VPS33B: variants seen among roughly 807,000 people sequenced by gnomAD.
The protein encoded by VPS33B is vacuolar protein sorting-associated protein 33B.
In VPS33B, 80 loss-of-function variants were observed where a neutral mutation model predicts 95.3. The observed-to-expected ratio is 0.84, with a 90% CI of 0.70 to 1.01. The LOEUF is 1.01. VPS33B is among the 50% of genes least tolerant of loss of function. The pLI, the probability that VPS33B is intolerant of heterozygous loss-of-function variation, is 0.00. For synonymous variants in VPS33B, 280 were observed against 280.4 expected (o/e 1.00, Z 0.01); for missense variants, 715 against 773.4 (o/e 0.92, Z 0.90).
At chr15:91,003,222 T>C (rs2040495091) in intron 16 of VPS33B, 91 bp from the exon 17 acceptor site, 2 of 1,235,584 alleles carry the variant, frequency 1.6e-6, no homozygotes, top group Admixed American at 3.4e-5. Flanking sequence ...GAACGCCTTC[T>C]TCAGGAGGAA....
chr15:91,006,496 A>G lies in VPS33B; in HGVS notation c.779-51T>C, dbSNP rs2040608763. On this transcript the variant is annotated intron_variant, in intron 10 of 22. Transcript: ENST00000333371. This position sits in a 1 kb window ranked among gnomAD's most constrained non-coding sequence, Gnocchi z 5.4. Reference sequence around the variant, plus strand: ...AGGATCTCCAATGAGGACTTCTCCTACCATTCCCTGAACTGCCATAAAGGT... The same window carrying G: ...AGGATCTCCAATGAGGACTTCTCCTGCCATTCCCTGAACTGCCATAAAGGT... 3.1e-6 allele frequency: 5 copies of G among 1,613,032 alleles called. No homozygotes were observed. Among genetic ancestry groups the G allele is most frequent in the Non-Finnish European group, 4.2e-6 (5 of 1,179,036 alleles).
Position 91,006,996 on chromosome 15 carries a change from G to A in VPS33B, c.654C>T (p.Thr218=). ...RNLEEEEDGE[T]KGRRPEIGHI... is the part of the protein sequence containing the mutation. ...GTCCAATCTCTGGCCTTCGGCCCTT[G>A]GTTTCGCCATCCTCCTCCTCCTCCA... The change falls in exon 9 of 23, where the codon ACC becomes ACT. Residue 218 remains threonine, a synonymous_variant. Coordinates refer to ENST00000333371, the MANE Select transcript of VPS33B (RefSeq NM_018668.5). The surrounding 1 kb of genome is among the most constrained non-coding windows in gnomAD (Gnocchi z 5.4). 1 of 1,613,986 alleles carries A rather than the reference G, an allele frequency of 6.2e-7. No homozygotes were observed.
Position 91,007,476 on chromosome 15 carries a change from C to A in VPS33B, c.596G>T (p.Cys199Phe), listed in dbSNP as rs1370151830. The A allele has an allele frequency of 1.2e-6, 2 of 1,614,186 alleles. No individual in the cohort carries two copies. Among genetic ancestry groups the A allele is most frequent in the South Asian group, 2.2e-5 (2 of 91,076 alleles). ...PFPNCYGIGR[C>F]AKMAYELWRN... ...TACTGCTAGTGCTCTTACCTTGGCGCACCTGCCAATTCCATAGCAGTTTGG... is the reference window on the plus strand; with the variant it reads ...TACTGCTAGTGCTCTTACCTTGGCGAACCTGCCAATTCCATAGCAGTTTGG... The change falls in exon 8 of 23, where the codon TGC (cysteine) becomes TTC (phenylalanine). Residue 199 changes from cysteine (C) to phenylalanine (F), a missense_variant. Coordinates refer to ENST00000333371, the MANE Select transcript of VPS33B (RefSeq NM_018668.5). This position sits in a 1 kb window ranked among gnomAD's most constrained non-coding sequence, Gnocchi z 5.3.
At position 90,999,964 on chromosome 15, in the gene VPS33B, C is replaced by A. The variant is rs755192361; in HGVS notation, c.1593G>T (p.Arg531=). 1 of 1,614,238 alleles carries A rather than the reference C, an allele frequency of 6.2e-7. No individual in the cohort carries two copies. Among genetic ancestry groups the A allele is most frequent in the South Asian group, 1.1e-5 (1 of 91,082 alleles). Residue 531 remains arginine, a synonymous_variant, in exon 21 of 23, where the codon CGG becomes CGT. Coordinates refer to ENST00000333371, the MANE Select transcript of VPS33B (RefSeq NM_018668.5). This position sits in a 1 kb window ranked among gnomAD's most constrained non-coding sequence, Gnocchi z 5.1. ...CCTCATCAAGGCCCTGCCAGCTTCGCCGCTCTAGCACCTGGGAAGGTGTAA... is the reference window on the plus strand; with the variant it reads ...CCTCATCAAGGCCCTGCCAGCTTCGACGCTCTAGCACCTGGGAAGGTGTAA... ...SCRIIEQVLE[R]RSWQGLDEVV...
Position 91,022,245 on chromosome 15 carries a change from G to A in VPS33B, c.5C>T (p.Ala2Val), listed in dbSNP as rs1029244647. Residue 2 changes from alanine to valine, a missense_variant, in exon 1 of 23, where the codon GCT becomes GTT. Physicochemically the swap from Ala to Val is moderately conservative, Grantham distance 64. Transcript: ENST00000333371. ...AGGGGCGTCCGGCCGATGGGGAAAAGCCATGGCAGCGGTCACCTGCGCCGC... is the reference window on the plus strand; with the variant it reads ...AGGGGCGTCCGGCCGATGGGGAAAAACCATGGCAGCGGTCACCTGCGCCGC... MAFPHRPDAPEL... is the reference protein window; with the variant it reads MVFPHRPDAPEL... The A allele has an allele frequency of 2.6e-6, 4 of 1,568,018 alleles. No homozygotes were observed. The highest frequency in any genetic ancestry group is 3.5e-6 in the Non-Finnish European group (4 of 1,151,584).
In VPS33B at chr15:91,022,486, T is replaced by G; in HGVS notation, c.-237A>C. The G allele has an allele frequency of 2.3e-6, 1 of 439,090 alleles. No individual in the cohort carries two copies. The highest frequency in any genetic ancestry group is 4.1e-6 in the Non-Finnish European group (1 of 242,764). The allele number at this position is 439,090 out of a possible 1,614,324, so 27.2% of individuals were successfully genotyped here. On this transcript the variant is annotated 5_prime_UTR_variant, in exon 1 of 23. Coordinates refer to ENST00000333371, the MANE Select transcript of VPS33B (RefSeq NM_018668.5). The stretch of plus-strand genomic sequence containing the variant: ...ACCTGCAGCCACCGTGTCTCGACCC[T>G]CCCTCCCTGATCCACTCTGCCCGTC...
In VPS33B at chr15:90,999,499, C is replaced by T. The variant is rs187403779; in HGVS notation, c.1774+178G>A. Reference sequence around the variant, plus strand: ...ATGCCTGGCTAATTTTTGTATTTTTCGTAGAGATGGGGTTTCACCATGTTG... The same window carrying T: ...ATGCCTGGCTAATTTTTGTATTTTTTGTAGAGATGGGGTTTCACCATGTTG... On this transcript the variant is annotated intron_variant, in intron 22 of 22. Coordinates refer to ENST00000333371, the MANE Select transcript of VPS33B (RefSeq NM_018668.5). This position sits in a 1 kb window ranked among gnomAD's most constrained non-coding sequence, Gnocchi z 5.1. 1,369 of 715,972 alleles carry T rather than the reference C, an allele frequency of 1.9e-3. 19 individuals carry two copies. In the African/African-American group the frequency reaches 0.022, roughly 11 times the overall value. 44.4% of individuals were successfully genotyped at this position (715,972 alleles called of 1,614,324 possible).
In VPS33B at chr15:91,002,759, G is replaced by A. The variant is rs1189573207; in HGVS notation, c.1272+326C>T. On this transcript the variant is annotated intron_variant, in intron 17 of 22. Coordinates refer to ENST00000333371, the MANE Select transcript of VPS33B (RefSeq NM_018668.5). This position sits in a 1 kb window ranked among gnomAD's most constrained non-coding sequence, Gnocchi z 4.7. ...TCCTGGATGAAGTAAGACTTGAGAA[G>A]TACCAGGAAGGAAAGCTGAATCAAT... 6.6e-6 allele frequency among the ~76,000 whole-genome samples: 1 copy of A among 152,126 alleles called. No homozygotes were observed. Among genetic ancestry groups the A allele is most frequent in the African/African-American group, 2.4e-5 (1 of 41,410 alleles).
intron 6 of VPS33B, 137 bp from the exon 7 acceptor site, chr15:91,008,101 T>C: frequency 6.3e-6 from 5 of 788,716 alleles, no homozygotes; most frequent in Non-Finnish European, 1.1e-5. Flanking sequence ...CATTAAGCAA[T>C]GGAGGCTCAA....
At chr15:91,017,400 A>ATATATATATATATC (rs2040970371) in intron 2 of VPS33B, among the ~76,000 whole-genome samples, 4 of 98,550 alleles carry the variant, frequency 4.1e-5, no homozygotes, top group Non-Finnish European at 4.2e-5. Context: ...ATATATATAT[A>ATATATATATATATC]TATATATATA....
chr15:91,016,375 C>CTTCTTT (rs1184199295), intron 3 of VPS33B, among the ~76,000 whole-genome samples: 3 of 96,018 alleles, frequency 3.1e-5, no homozygotes, highest in African/African-American at 4.2e-5. Flanking sequence ...GCAGATTCTT[C>CTTCTTT]TTTTTTTTTT....
Position 91,019,803 on chromosome 15 carries a change from A to C in VPS33B, c.97-1918T>G, listed in dbSNP as rs532846927. ...AGATTAAGAGATACATGGAATGTGTAATATAATTTTTTTTTTTTTGAGATG... is the reference window on the plus strand; with the variant it reads ...AGATTAAGAGATACATGGAATGTGTCATATAATTTTTTTTTTTTTGAGATG... On this transcript the variant is annotated intron_variant, in intron 1 of 22. Transcript: ENST00000333371. Among the ~76,000 whole-genome samples the C allele has an allele frequency of 3.8e-5, 5 of 131,614 alleles. No homozygotes were observed. In the South Asian group the frequency reaches 1.4e-3, roughly 36 times the overall value. The allele number at this position is 131,614 out of a possible 152,430, so 86.3% of individuals were successfully genotyped here.
chr15:91,006,624 C>T lies in VPS33B; in HGVS notation c.778+28G>A. On this transcript the variant is annotated intron_variant, in intron 10 of 22. Coordinates refer to ENST00000333371, the MANE Select transcript of VPS33B (RefSeq NM_018668.5). The surrounding 1 kb of genome is among the most constrained non-coding windows in gnomAD (Gnocchi z 5.4). ...CAAGGCTGATGACCCGTCCATCTTG[C>T]CAAGATGCAGAGGACCATAGCACTT... The T allele has an allele frequency of 1.2e-6, 2 of 1,614,080 alleles. No individual in the cohort carries two copies. The highest frequency in any genetic ancestry group is 1.7e-6 in the Non-Finnish European group (2 of 1,179,910).
chr15:91,001,496 G>T, intron 18 of VPS33B, 34 bp from the exon 19 acceptor site: 1 of 1,577,064 alleles, frequency 6.3e-7, no homozygotes, highest in Non-Finnish European at 8.7e-7. Context: ...TTTCACCTAA[G>T]GTCTATGGAT....
At position 91,016,976 on chromosome 15, in the gene VPS33B, T is replaced by A; in HGVS notation, c.226A>T (p.Ser76Cys). 1 of 1,614,056 alleles carries A rather than the reference T, an allele frequency of 6.2e-7. No homozygotes were observed. The highest frequency in any genetic ancestry group is 8.5e-7 in the Non-Finnish European group (1 of 1,179,980). Residue 76 changes from serine (S) to cysteine (C), a missense_variant, in exon 3 of 23, where the codon AGC (serine) becomes TGC (cysteine). By Grantham distance (112) the Ser-to-Cys change is moderately radical. Transcript: ENST00000333371. Reference sequence around the variant, plus strand: ...CCAGACACTCACTGTTCATTGGAGCTGAGGGCTGGCTTGTTCTCCACCTTG... The same window carrying A: ...CCAGACACTCACTGTTCATTGGAGCAGAGGGCTGGCTTGTTCTCCACCTTG... ...LYKVENKPALSSNEQLCFLVR... is the reference protein window; with the variant it reads ...LYKVENKPALCSNEQLCFLVR...
At chr15:91,020,862 C>T (rs1049297026) in intron 1 of VPS33B, among the ~76,000 whole-genome samples, 4 of 152,190 alleles carry the variant, frequency 2.6e-5, no homozygotes, top group East Asian at 3.9e-4. Flanking sequence ...GCCTGGGCAA[C>T]GGAGTGAGAC....
chr15:91,006,536 G>A lies in VPS33B; in HGVS notation c.779-91C>T. On this transcript the variant is annotated intron_variant, in intron 10 of 22. Coordinates refer to ENST00000333371, the MANE Select transcript of VPS33B (RefSeq NM_018668.5). The surrounding 1 kb of genome is among the most constrained non-coding windows in gnomAD (Gnocchi z 5.4). ...GCCATAAAGGTCCTCAAACTATTTG[G>A]AAGCCAGCAGTTCATTCAGGGTCTG... 6.2e-7 allele frequency: 1 copy of A among 1,609,402 alleles called. No individual in the cohort carries two copies. Among genetic ancestry groups the A allele is most frequent in the Admixed American group, 1.7e-5 (1 of 60,012 alleles).
Position 91,007,836 on chromosome 15 carries a change from CCT to C in VPS33B, c.498+32_498+33del, listed in dbSNP as rs1218221263. 2.5e-6 allele frequency: 4 copies of C among 1,598,500 alleles called. No individual in the cohort carries two copies. Among genetic ancestry groups the C allele is most frequent in the Middle Eastern group, 1.6e-4 (1 of 6,072 alleles). On this transcript the variant is annotated intron_variant, in intron 7 of 22. Coordinates refer to ENST00000333371, the MANE Select transcript of VPS33B (RefSeq NM_018668.5). This position sits in a 1 kb window ranked among gnomAD's most constrained non-coding sequence, Gnocchi z 5.3. ...CTGCATCCCACATTTGTCCCCATCC[CCT>C]GATGCCAAGACACAAGGGCCTCTGC...
At chr15:91,017,782 C>T in intron 2 of VPS33B, 23 bp downstream of exon 2, 3 of 1,610,846 alleles carry the variant, frequency 1.9e-6, no homozygotes, top group Non-Finnish European at 2.5e-6. Context: ...AGGGGCATGG[C>T]CCCCAGGGGA....
Sources: allele counts gnomAD v4.1 joint callset (sites outside exome capture counted in the v4.1 genomes callset), GRCh38; gene constraint gnomAD v4.1.1; non-coding constraint Gnocchi (gnomAD v3.1); transcripts MANE v1.5; gene names NCBI Gene and HGNC (gene_info 2026-07-23, HGNC 2026-07-21).